The following DNAJA3 variants were observed in gnomAD, a reference collection of about 807,000 sequenced individuals.
The protein encoded by DNAJA3 is dnaJ homolog subfamily A member 3, mitochondrial.
A neutral mutation model predicts 54.9 loss-of-function variants in DNAJA3; 29 were observed. That is an observed-to-expected ratio of 0.53 (90% CI 0.39 to 0.72). The LOEUF (loss-of-function observed/expected upper bound fraction) is 0.72, where lower values mean the gene tolerates loss of function less well. DNAJA3 is among the 30% of genes least tolerant of loss of function. The pLI, the probability that DNAJA3 is intolerant of heterozygous loss-of-function variation, is 0.00. For synonymous variants in DNAJA3, 302 were observed against 251.4 expected (o/e 1.20, Z -1.90); for missense variants, 708 against 639.4 (o/e 1.11, Z -1.16).
At chr16:4,448,368 A>C (rs186560686) in intron 8 of DNAJA3, among the ~76,000 whole-genome samples, 1 of 150,988 alleles carries the variant, frequency 6.6e-6, no homozygotes, top group Non-Finnish European at 1.5e-5. Context: ...GCCGAGACAG[A>C]GTCTTGCTCT....
Position 4,456,435 on chromosome 16 carries a change from T to C in DNAJA3, c.*903T>C, listed in dbSNP as rs1379296175. On this transcript the variant is annotated 3_prime_UTR_variant, in exon 12 of 12. Transcript: ENST00000262375. ...GTTGACATCTATTTTCTGAAGTGTG[T>C]TTAAATTATTCAGTGCTAATCATTG... 1 of 152,662 alleles carries C rather than the reference T, an allele frequency of 6.6e-6. No individual in the cohort carries two copies. The highest frequency in any genetic ancestry group is 2.4e-5 in the African/African-American group (1 of 41,464). The allele number at this position is 152,662 out of a possible 1,614,324, so 9.5% of individuals were successfully genotyped here. A position where few individuals can be genotyped will look rare whatever the true frequency, so the allele number is the denominator to read the frequency against.
intron 10 of DNAJA3, among the ~76,000 whole-genome samples, chr16:4,452,203 G>A (rs1041320648): frequency 4.6e-5 from 7 of 152,056 alleles, no homozygotes; most frequent in Non-Finnish European, 8.8e-5. Context: ...TGTATCTCTT[G>A]AACTAAAATA....
chr16:4,434,545 C>A (rs1197539788), intron 2 of DNAJA3, 28 bp downstream of exon 2: 2 of 1,603,418 alleles, frequency 1.2e-6, no homozygotes, highest in Admixed American at 1.8e-5. Context: ...GTTTTGGTGA[C>A]CAAATTGTAG....
At chr16:4,435,553 T>A (rs933962812) in intron 2 of DNAJA3, among the ~76,000 whole-genome samples, 1 of 152,212 alleles carries the variant, frequency 6.6e-6, no homozygotes, top group African/African-American at 2.4e-5. Flanking sequence ...TTGCCTATTC[T>A]CAATATTCAT....
Position 4,434,886 on chromosome 16 carries a change from C to CTTT in DNAJA3, c.345+395_345+397dup, listed in dbSNP as rs202179531. Among the ~76,000 whole-genome samples the CTTT allele has an allele frequency of 2.7e-3, 271 of 100,126 alleles. 22 individuals are homozygous for CTTT. Among genetic ancestry groups the CTTT allele is most frequent in the Admixed American group, 3.9e-3 (34 of 8,614 alleles). 65.7% of individuals were successfully genotyped at this position (100,126 alleles called of 152,430 possible). A position where few individuals can be genotyped will look rare whatever the true frequency, so the allele number is the denominator to read the frequency against. ...GGTTTAGAATTACTTCCTTTCCTTTCTTTTTTTTTTTTTTTTTTTTTTTTT... is the reference window on the plus strand; with the variant it reads ...GGTTTAGAATTACTTCCTTTCCTTTCTTTTTTTTTTTTTTTTTTTTTTTTTTTT... On this transcript the variant is annotated intron_variant, in intron 2 of 11. Coordinates refer to ENST00000262375, the MANE Select transcript of DNAJA3 (RefSeq NM_005147.6).
Position 4,429,089 on chromosome 16 carries a change from T to C in DNAJA3, c.211+2997T>C, listed in dbSNP as rs191494651. On this transcript the variant is annotated intron_variant, in intron 1 of 11. Transcript: ENST00000262375. Reference sequence around the variant, plus strand: ...ATTTTTAGTAGAGATGGAGTTTCACTGTGTTAGCCAGGACGTCTCGATCTC... The same window carrying C: ...ATTTTTAGTAGAGATGGAGTTTCACCGTGTTAGCCAGGACGTCTCGATCTC... Among the ~76,000 whole-genome samples the C allele has an allele frequency of 2.9e-3, 434 of 151,744 alleles. 7 individuals are homozygous for C. The highest frequency in any genetic ancestry group is 0.027 in the Admixed American group (410 of 15,224).
At chr16:4,446,241 G>A (rs1019697369) in intron 7 of DNAJA3, among the ~76,000 whole-genome samples, 3 of 142,764 alleles carry the variant, frequency 2.1e-5, no homozygotes, top group African/African-American at 7.8e-5. Context: ...AATAAAGTAA[G>A]ATTTTTTTTT....
intron 4 of DNAJA3, among the ~76,000 whole-genome samples, 198 bp from the exon 5 acceptor site, chr16:4,442,070 A>G (rs1236136530): frequency 6.6e-6 from 1 of 152,184 alleles, no homozygotes; most frequent in East Asian, 1.9e-4. Context: ...GTCATACATT[A>G]TCTCTTAAAA....
chr16:4,454,654 T>C (rs1183832658), intron 10 of DNAJA3, among the ~76,000 whole-genome samples, 157 bp from the exon 11 acceptor site: 1 of 152,260 alleles, frequency 6.6e-6, no homozygotes, highest in South Asian at 2.1e-4. Flanking sequence ...AGGCATCCTG[T>C]GCCATCTTAG....
intron 3 of DNAJA3, among the ~76,000 whole-genome samples, chr16:4,438,043 G>A (rs758156082): frequency 3.3e-5 from 5 of 152,022 alleles, no homozygotes; most frequent in Non-Finnish European, 5.9e-5. Context: ...CAGGCCAGGC[G>A]TGGTGGCTCA....
At chr16:4,430,690 T>C (rs2056686879) in intron 1 of DNAJA3, 1 of 152,036 alleles carries the variant, frequency 6.6e-6, no homozygotes, top group South Asian at 2.1e-4. Context: ...TGTGATAAAA[T>C]AAATAGTCTA....
chr16:4,441,559 T>G lies in DNAJA3; in HGVS notation c.614T>G (p.Phe205Cys). The G allele has an allele frequency of 6.2e-7, 1 of 1,614,110 alleles. No individual in the cohort carries two copies. The highest frequency in any genetic ancestry group is 1.6e-4 in the Middle Eastern group (1 of 6,062). ...TCATTTGGAGATTTCCAGACCGTGT[T>G]TGATCAGCCTCAGGAAGTAAGTTCC... is the stretch of plus-strand genomic sequence containing the variant. Reference protein sequence around the residue: ...SSSFGDFQTVFDQPQEYFMEL... With the variant: ...SSSFGDFQTVCDQPQEYFMEL... Residue 205 changes from phenylalanine (F) to cysteine (C), a missense_variant, in exon 4 of 12, where the codon TTT becomes TGT. By Grantham distance (205) the Phe-to-Cys change is radical. Coordinates refer to ENST00000262375, the MANE Select transcript of DNAJA3 (RefSeq NM_005147.6).
intron 11 of DNAJA3, 32 bp from the exon 12 acceptor site, chr16:4,455,514 G>A (rs781319577): frequency 5.2e-6 from 8 of 1,551,284 alleles, no homozygotes; most frequent in East Asian, 4.9e-5. Context: ...GAAATGTTGA[G>A]TATAAGGTAA....
In DNAJA3 at chr16:4,443,011, TA is replaced by T; in HGVS notation, c.784-5del. ...CTTAGGTTACCATTTTTCTTGTTTTTATCAGGAAACCATCAACACAGGCCCT... is the reference window on the plus strand; with the variant it reads ...CTTAGGTTACCATTTTTCTTGTTTTTTCAGGAAACCATCAACACAGGCCCT... On this transcript the variant is annotated splice_region_variant and splice_polypyrimidine_tract_variant and intron_variant, in intron 5 of 11. Transcript: ENST00000262375. The T allele has an allele frequency of 6.2e-7, 1 of 1,612,422 alleles. No individual in the cohort carries two copies. The highest frequency in any genetic ancestry group is 1.1e-5 in the South Asian group (1 of 90,934).
At chr16:4,433,441 G>T (rs1459027389) in intron 1 of DNAJA3, 2 of 152,174 alleles carry the variant, frequency 1.3e-5, no homozygotes, top group African/African-American at 2.4e-5. Context: ...GGGGACATTT[G>T]GCAATGCCTG....
rs1033297610 is a variant in DNAJA3 at position 4,444,706 on chromosome 16, G to A, written c.974G>A (p.Arg325Lys). The stretch of plus-strand genomic sequence containing the variant: ...ACCGTGAGGATGCCTGTGGGAAAAA[G>A]GGAAATTTTCATTACGTTCAGGGTA... The part of the protein sequence containing the change: ...GQTVRMPVGK[R>K]EIFITFRVQK... Residue 325 changes from arginine (R) to lysine (K), a missense_variant, in exon 7 of 12, where the codon AGG (arginine) becomes AAG (lysine). Transcript: ENST00000262375. The A allele has an allele frequency of 6.8e-6, 11 of 1,614,166 alleles. No individual in the cohort carries two copies. The highest frequency in any genetic ancestry group is 9.3e-6 in the Non-Finnish European group (11 of 1,180,012).
chr16:4,438,581 C>T (rs1229145918), intron 3 of DNAJA3, among the ~76,000 whole-genome samples: 1 of 151,052 alleles, frequency 6.6e-6, no homozygotes, highest in Non-Finnish European at 1.5e-5. Flanking sequence ...ATTGACCCCA[C>T]TTCCATAGTT....
chr16:4,449,121 C>T (rs545102108), intron 9 of DNAJA3, among the ~76,000 whole-genome samples: 157 of 152,180 alleles, frequency 1.0e-3, no homozygotes, highest in African/African-American at 3.3e-3. Context: ...CTCAGCCTCC[C>T]GAGTAGCTGG....
At chr16:4,455,329 G>T (rs2057022985) in intron 11 of DNAJA3, among the ~76,000 whole-genome samples, 1 of 152,186 alleles carries the variant, frequency 6.6e-6, no homozygotes, top group African/African-American at 2.4e-5. Flanking sequence ...TGCGTGGACA[G>T]CGCAGGGCTG....
Sources: allele counts gnomAD v4.1 joint callset (sites outside exome capture counted in the v4.1 genomes callset), GRCh38; gene constraint gnomAD v4.1.1; transcripts MANE v1.5; gene names NCBI Gene and HGNC (gene_info 2026-07-23, HGNC 2026-07-21).